KMT2D: variants seen among roughly 807,000 people sequenced by gnomAD.
KMT2D encodes the protein histone-lysine N-methyltransferase 2D.
A neutral mutation model predicts 512.7 loss-of-function variants in KMT2D; 55 were observed. That is an observed-to-expected ratio of 0.11 (90% CI 0.09 to 0.13). KMT2D has a LOEUF of 0.13. KMT2D is among the 10% of genes least tolerant of loss of function. The probability of loss-of-function intolerance (pLI) is 1.00; values close to 1 mark genes in which losing one functional copy is unlikely to be tolerated. For missense variants in KMT2D, 6,061 were observed against 7,127.9 expected (o/e 0.85, Z 5.39); for synonymous variants, 2,995 against 2,904.0 (o/e 1.03, Z -1.01).
rs1280756414 is a variant in KMT2D, at chr12:49,019,782, T to G, written c.*1998A>C. On this transcript the variant is annotated 3_prime_UTR_variant, in exon 55 of 55. Transcript: ENST00000301067. ...CTTAAACATTTGCAGCTTGAAACAG[T>G]TGAGGAAGCAGCTTTAAAAAAAAAA... 1.3e-5 allele frequency: 3 copies of G among 232,324 alleles called. No homozygotes were observed. Among genetic ancestry groups the G allele is most frequent in the Non-Finnish European group, 2.6e-5 (3 of 117,420 alleles). The allele number at this position is 232,324 out of a possible 1,614,324, so 14.4% of individuals were successfully genotyped here. A position where few individuals can be genotyped will look rare whatever the true frequency, so the allele number is the denominator to read the frequency against.
At chr12:49,048,974 A>G (rs1293631173) in intron 13 of KMT2D, 131 bp downstream of exon 13, 2 of 710,660 alleles carry the variant, frequency 2.8e-6, no homozygotes, top group Admixed American at 2.3e-5. Context: ...GGCCAAGTGG[A>G]CAGGAATTCA....
rs369396309 is a variant in KMT2D, at chr12:49,031,284, A to C, written c.13421T>G (p.Leu4474Arg). ...QKLLRAKNVQ[L>R]STGRGSEGLR... ...CCCCTCGGACCCCCGCCCAGTGCTG[A>C]GTTGCACATTCTTTGCCCGGAGTAG... The change falls in exon 40 of 55, where the codon CTC becomes CGC. Residue 4474 changes from leucine to arginine, a missense_variant. By Grantham distance (102) the Leu-to-Arg change is moderately radical. Transcript: ENST00000301067. 23 of 1,613,354 alleles carry C rather than the reference A, an allele frequency of 1.4e-5. No individual in the cohort carries two copies. In the African/African-American group the frequency reaches 2.9e-4, roughly 21 times the overall value.
At position 49,046,038 on chromosome 12, in the gene KMT2D, T is replaced by A. The variant is rs1170879772; in HGVS notation, c.4693+27A>T. 1 of 1,610,692 alleles carries A rather than the reference T, an allele frequency of 6.2e-7. No homozygotes were observed. Among genetic ancestry groups the A allele is most frequent in the Non-Finnish European group, 8.5e-7 (1 of 1,177,826 alleles). ...AGCAAGGTACCCCTGCTCTGACTCC[T>A]CCCCCTACCCAGCAGCTGGTACTCA... On this transcript the variant is annotated intron_variant, in intron 18 of 54. Coordinates refer to ENST00000301067, the MANE Select transcript of KMT2D (RefSeq NM_003482.4). The surrounding 1 kb of genome is among the most constrained non-coding windows in gnomAD (Gnocchi z 4.2).
In KMT2D at chr12:49,052,432, CACA is replaced by C. The variant is rs750578681; in HGVS notation, c.1259-11_1259-9del. ...GTTGGACCCCTGCTTTCCCTGCAGA[CACA>C]ACAACACGATGCTCCTATCTAGCTC... On this transcript the variant is annotated splice_polypyrimidine_tract_variant and intron_variant, in intron 10 of 54. Transcript: ENST00000301067. The C allele has an allele frequency of 1.8e-5, 28 of 1,540,364 alleles. No individual in the cohort carries two copies. Among genetic ancestry groups the C allele is most frequent in the Non-Finnish European group, 2.2e-5 (25 of 1,142,544 alleles).
At chr12:49,034,959 G>A (rs2120462664) in intron 35 of KMT2D, 24 bp from the exon 36 acceptor site, 2 of 1,613,428 alleles carry the variant, frequency 1.2e-6, no homozygotes, top group Non-Finnish European at 1.7e-6. Context: ...AACCAAGTGA[G>A]CTGGGCTATG....
Position 49,046,490 on chromosome 12 carries a change from C to A in KMT2D, c.4419-66G>T, listed in dbSNP as rs944039623. ...CCCGAAGTACCCAGAAGTCCCCTCA[C>A]CGGAAACCCAAGCCACCAGCCTGGC... is the stretch of plus-strand genomic sequence containing the variant. On this transcript the variant is annotated intron_variant, in intron 16 of 54. Transcript: ENST00000301067. This position sits in a 1 kb window ranked among gnomAD's most constrained non-coding sequence, Gnocchi z 4.2. 3.8e-6 allele frequency: 6 copies of A among 1,592,126 alleles called. No homozygotes were observed. Among genetic ancestry groups the A allele is most frequent in the Non-Finnish European group, 3.4e-6 (4 of 1,166,678 alleles).
In KMT2D at chr12:49,044,541, G is replaced by A. The variant is rs771656529; in HGVS notation, c.4964-19C>T. 1.6e-5 allele frequency: 25 copies of A among 1,612,708 alleles called. No individual in the cohort carries two copies. The East Asian group carries it at 4.5e-4, about 29-fold the overall frequency. ...ACACCACCTGCGTATGGTGACAGAA[G>A]AGATGGAGGCAAATCAGAACTATAG... On this transcript the variant is annotated intron_variant, in intron 20 of 54. Transcript: ENST00000301067. This position sits in a 1 kb window ranked among gnomAD's most constrained non-coding sequence, Gnocchi z 6.4.
chr12:49,048,596 C>T (rs1373429677), intron 14 of KMT2D, 63 bp downstream of exon 14: 1 of 1,110,842 alleles, frequency 9.0e-7, no homozygotes, highest in East Asian at 2.4e-5. Context: ...GTTTTCCCAT[C>T]TATCCTCTCA....
Position 49,038,058 on chromosome 12 carries a change from G to A in KMT2D, c.9298C>T (p.Pro3100Ser), listed in dbSNP as rs1179293337. 6.2e-7 allele frequency: 1 copy of A among 1,612,656 alleles called. No individual in the cohort carries two copies. The highest frequency in any genetic ancestry group is 1.1e-5 in the South Asian group (1 of 90,910). Residue 3100 changes from proline (P) to serine (S), a missense_variant, in exon 35 of 55, where the codon CCT (proline) becomes TCT (serine). Pro to Ser is a moderately conservative substitution (Grantham distance 74, BLOSUM62 -1). Coordinates refer to ENST00000301067, the MANE Select transcript of KMT2D (RefSeq NM_003482.4). This position sits in a 1 kb window ranked among gnomAD's most constrained non-coding sequence, Gnocchi z 5.7. ...EPGPLGPEER[P>S]PPAADASEPR... ...TCAGAGGCATCAGCAGCAGGGGGAG[G>A]GCGCTCCTCAGGGCCCAAGGGTCCT...
chr12:49,044,663 C>T lies in KMT2D; in HGVS notation c.4963+81G>A. On this transcript the variant is annotated intron_variant, in intron 20 of 54. Coordinates refer to ENST00000301067, the MANE Select transcript of KMT2D (RefSeq NM_003482.4). The surrounding 1 kb of genome is among the most constrained non-coding windows in gnomAD (Gnocchi z 6.4). The stretch of plus-strand genomic sequence containing the variant: ...GCAGTGCTTAAGGGTAACTGAGTGG[C>T]AATGTAGCCCCCACCCAACATCCCA... 6.5e-7 allele frequency: 1 copy of T among 1,541,630 alleles called. No individual in the cohort carries two copies. The highest frequency in any genetic ancestry group is 8.9e-7 in the Non-Finnish European group (1 of 1,127,062).
rs1250350337 is a variant in KMT2D, at chr12:49,032,467, G to A, written c.12238C>T (p.Pro4080Ser). Residue 4080 changes from proline (P) to serine (S), a missense_variant, in exon 40 of 55, where the codon CCC becomes TCC. Coordinates refer to ENST00000301067, the MANE Select transcript of KMT2D (RefSeq NM_003482.4). The part of the protein sequence containing the change: ...SGDSQLLLVQ[P>S]QPQPQPSSLQ... ...GAGCTGGGCTGAGGCTGGGGCTGGG[G>A]TTGGACAAGCAGGAGTTGTGAGTCC... 1.9e-6 allele frequency: 3 copies of A among 1,567,674 alleles called. No individual in the cohort carries two copies. Among genetic ancestry groups the A allele is most frequent in the South Asian group, 1.2e-5 (1 of 86,158 alleles).
At chr12:49,053,161 A>C (rs1336345180) in intron 8 of KMT2D, 46 bp downstream of exon 8, 1 of 1,610,468 alleles carries the variant, frequency 6.2e-7, no homozygotes, top group Admixed American at 1.7e-5. Flanking sequence ...AGAATGCTGT[A>C]GCAGACACAG....
rs142790968 is a variant in KMT2D, at chr12:49,047,503, C to T, written c.4236+462G>A. Among the ~76,000 whole-genome samples the T allele has an allele frequency of 4.2e-3, 635 of 150,356 alleles. 7 individuals carry two copies. The highest frequency in any genetic ancestry group is 0.015 in the African/African-American group (600 of 40,798). On this transcript the variant is annotated intron_variant, in intron 15 of 54. Transcript: ENST00000301067. ...CGTGATCTCGGCTCACTGCAACCTC[C>T]GCCTCCTGGGTTCAAGCAATTCTCC... is the stretch of plus-strand genomic sequence containing the variant.
At position 49,042,482 on chromosome 12, in the gene KMT2D, C is replaced by G. The variant is rs553359283; in HGVS notation, c.5867+79G>C. The G allele has an allele frequency of 4.8e-5, 74 of 1,543,924 alleles. No individual in the cohort carries two copies. The South Asian group carries it at 8.1e-4, about 17-fold the overall frequency. ...GAGCAGGGGAAGTGCTGCAGGAGTC[C>G]GAGGGAGGCAAAGCATGAACTCAGA... is the stretch of plus-strand genomic sequence containing the variant. On this transcript the variant is annotated intron_variant, in intron 28 of 54. Transcript: ENST00000301067. This position sits in a 1 kb window ranked among gnomAD's most constrained non-coding sequence, Gnocchi z 4.4.
chr12:49,028,402 C>G (rs774330912), intron 46 of KMT2D, among the ~76,000 whole-genome samples: 1 of 152,208 alleles, frequency 6.6e-6, no homozygotes, highest in African/African-American at 2.4e-5. Flanking sequence ...GACTTGGAGG[C>G]TCATGATACA....
In KMT2D at chr12:49,054,041, A is replaced by G. The variant is rs2120703663; in HGVS notation, c.610T>C (p.Phe204Leu). The change falls in exon 6 of 55, where the codon TTC becomes CTC. Residue 204 changes from phenylalanine (F) to leucine (L), a missense_variant. This residue lies in a region of KMT2D where 160 missense variants were observed against 225.8 expected (regional missense o/e 0.71). Transcript: ENST00000301067. This position sits in a 1 kb window ranked among gnomAD's most constrained non-coding sequence, Gnocchi z 6.4. ...HFPCATASGS[F>L]LSMKTLQLLC... ...AGCTGCAGTGTTTTCATGGATAGGA[A>G]GGAACCGCTGGCAGTCGCGCAGGGG... 6.2e-7 allele frequency: 1 copy of G among 1,613,998 alleles called. No individual in the cohort carries two copies.
At chr12:49,033,993 C>T in intron 39 of KMT2D, 29 bp from the exon 40 acceptor site, 1 of 1,551,782 alleles carries the variant, frequency 6.4e-7, no homozygotes, top group Non-Finnish European at 8.7e-7. Context: ...AGAGGTCAGG[C>T]TGGGGCATGC....
rs1404208190 is a variant in KMT2D, at chr12:49,046,842, ACTT to A, written c.4237-55_4237-53del. The A allele has an allele frequency of 3.2e-5, 49 of 1,523,776 alleles. No individual in the cohort carries two copies. The highest frequency in any genetic ancestry group is 4.4e-5 in the Non-Finnish European group (49 of 1,122,824). 94.4% of individuals were successfully genotyped at this position (1,523,776 alleles called of 1,614,324 possible). A position where few individuals can be genotyped will look rare whatever the true frequency, so the allele number is the denominator to read the frequency against. On this transcript the variant is annotated intron_variant, in intron 15 of 54. Coordinates refer to ENST00000301067, the MANE Select transcript of KMT2D (RefSeq NM_003482.4). This position sits in a 1 kb window ranked among gnomAD's most constrained non-coding sequence, Gnocchi z 4.2. ...GGGTGTGAGGTGGAAAAGAGGTAGA[ACTT>A]CTTTTTATTTTTTTTTGGAGATGGA... is the stretch of plus-strand genomic sequence containing the variant.
In KMT2D at chr12:49,024,677, A is replaced by G; in HGVS notation, c.15953T>C (p.Leu5318Ser). The G allele has an allele frequency of 6.2e-7, 1 of 1,613,866 alleles. No individual in the cohort carries two copies. Among genetic ancestry groups the G allele is most frequent in the South Asian group, 1.1e-5 (1 of 91,046 alleles). The change falls in exon 51 of 55, where the codon TTA (leucine) becomes TCA (serine). Residue 5318 changes from leucine (L) to serine (S), a missense_variant. By Grantham distance (145) the Leu-to-Ser change is moderately radical (BLOSUM62 -2). Transcript: ENST00000301067. This position sits in a 1 kb window ranked among gnomAD's most constrained non-coding sequence, Gnocchi z 4.5. ...LPGVESCQNY[L>S]FRYGRHPLME... ...AAGGGGGTGGCGCCCATAGCGGAATAAATAGTTTTGACAGCTCTCCACCCC... is the reference window on the plus strand; with the variant it reads ...AAGGGGGTGGCGCCCATAGCGGAATGAATAGTTTTGACAGCTCTCCACCCC...
Sources: allele counts gnomAD v4.1 joint callset (sites outside exome capture counted in the v4.1 genomes callset), GRCh38; gene constraint gnomAD v4.1.1; regional missense constraint gnomAD v4.1.1; non-coding constraint Gnocchi (gnomAD v3.1); transcripts MANE v1.5; gene names NCBI Gene and HGNC (gene_info 2026-07-23, HGNC 2026-07-21).